MAP3K7CL: variants seen among roughly 807,000 people sequenced by gnomAD.
The protein encoded by MAP3K7CL is MAP3K7 C-terminal like.
Under a neutral mutation model 18.6 loss-of-function variants are expected in MAP3K7CL, and 16 were observed. That is an observed-to-expected ratio of 0.86 (90% CI 0.58 to 1.31). The LOEUF is 1.31. MAP3K7CL is among the 50% of genes most tolerant of loss of function. The probability of loss-of-function intolerance (pLI) is 0.00; values close to 1 mark genes in which losing one functional copy is unlikely to be tolerated. For missense variants in MAP3K7CL, 163 were observed against 174.4 expected, an observed-to-expected ratio of 0.93 and a Z score of 0.37; for synonymous variants, 65 against 66.8, an observed-to-expected ratio of 0.97 and a Z score of 0.13.
At chr21:29,137,795 G>A (rs955922150) in intron 2 of MAP3K7CL, among the ~76,000 whole-genome samples, 7 of 152,154 alleles carry the variant, frequency 4.6e-5, no homozygotes, top group African/African-American at 1.7e-4. Context: ...GGGTTACCAA[G>A]TCAATCTTCA....
At chr21:29,168,878 C>T (rs767903388) in intron 4 of MAP3K7CL, among the ~76,000 whole-genome samples, 9 of 152,186 alleles carry the variant, frequency 5.9e-5, no homozygotes, top group Non-Finnish European at 1.3e-4. Flanking sequence ...AGGAAAGAGG[C>T]TCAAATCCAA....
At position 29,111,105 on chromosome 21, in the gene MAP3K7CL, A is replaced by G. The variant is rs7278938; in HGVS notation, c.370+18524A>G. Among the ~76,000 whole-genome samples, 1,342 of 151,918 alleles carry G rather than the reference A, an allele frequency of 8.8e-3. 18 individuals carry two copies. The highest frequency in any genetic ancestry group is 0.031 in the African/African-American group (1,282 of 41,416). ...CCTCATTTCTACTAAATATACAAAA[A>G]CTTAGCCAGGCGTGGTGGTGAGTGC... On this transcript the variant is annotated intron_variant, in intron 4 of 6. Coordinates refer to the MAP3K7CL transcript ENST00000286791.
chr21:29,085,607 C>T (rs1211622365), upstream of MAP3K7CL, among the ~76,000 whole-genome samples: 1 of 139,080 alleles, frequency 7.2e-6, no homozygotes, highest in Non-Finnish European at 1.5e-5. Context: ...TCAAAGTTTA[C>T]TAATATCTTT....
chr21:29,120,391 T>C (rs529904158), intron 4 of MAP3K7CL, among the ~76,000 whole-genome samples: 69 of 152,228 alleles, frequency 4.5e-4, no homozygotes, highest in Non-Finnish European at 9.1e-4. Context: ...TCTTACACTT[T>C]ATGAGCTCTG....
intron 3 of MAP3K7CL, 61 bp from the exon 4 acceptor site, chr21:29,159,880 A>G (rs561195098): frequency 1.3e-5 from 18 of 1,356,130 alleles, no homozygotes; most frequent in Non-Finnish European, 1.7e-5. Flanking sequence ...AGCGAGCAAA[A>G]TGGTTGGTAA....
chr21:29,094,611 G>C (rs767106752), intron 4 of MAP3K7CL, among the ~76,000 whole-genome samples: 2 of 152,200 alleles, frequency 1.3e-5, no homozygotes, highest in Non-Finnish European at 2.9e-5. Flanking sequence ...TCAACTAGTT[G>C]AGAAGTTTGA....
rs138493272 is a variant in MAP3K7CL, at chr21:29,162,063, G to T, written c.248+2007G>T. Among the ~76,000 whole-genome samples the T allele has an allele frequency of 1.6e-3, 245 of 152,242 alleles. 1 individual carries two copies. Among genetic ancestry groups the T allele is most frequent in the Non-Finnish European group, 2.6e-3 (176 of 68,020 alleles). On this transcript the variant is annotated intron_variant, in intron 4 of 4. Transcript: ENST00000399928. Reference sequence around the variant, plus strand: ...TAAAGTTGCTTGGAATACTCAGATTGCATGATTACACACAGTTGGAGTCCT... The same window carrying T: ...TAAAGTTGCTTGGAATACTCAGATTTCATGATTACACACAGTTGGAGTCCT...
chr21:29,116,435 A>G (rs965951438), intron 4 of MAP3K7CL, among the ~76,000 whole-genome samples: 1 of 152,254 alleles, frequency 6.6e-6, no homozygotes, highest in Non-Finnish European at 1.5e-5. Context: ...TTCTAGCTCT[A>G]ACATTAGTAA....
At chr21:29,155,434 C>T (rs1445283273) in intron 3 of MAP3K7CL, among the ~76,000 whole-genome samples, 1 of 152,162 alleles carries the variant, frequency 6.6e-6, no homozygotes, top group Non-Finnish European at 1.5e-5. Context: ...ACGGAAACGC[C>T]CGAGCCGGCT....
intron 3 of MAP3K7CL, 49 bp from the exon 4 acceptor site, chr21:29,159,892 T>A: frequency 6.8e-7 from 1 of 1,476,922 alleles, no homozygotes; most frequent in Non-Finnish European, 9.4e-7. Flanking sequence ...GGTTGGTAAT[T>A]TATCCTGATG....
intron 2 of MAP3K7CL, among the ~76,000 whole-genome samples, chr21:29,136,675 C>G (rs572707529): frequency 6.6e-6 from 1 of 152,084 alleles, no homozygotes; most frequent in African/African-American, 2.4e-5. Context: ...CACCCGCCAC[C>G]AGGCCTGGCT....
upstream of MAP3K7CL, among the ~76,000 whole-genome samples, chr21:29,127,273 C>T (rs751109857): frequency 3.3e-5 from 5 of 152,130 alleles, no homozygotes; most frequent in African/African-American, 7.2e-5. Flanking sequence ...ACTGTAAAAA[C>T]ACATTTGTTG....
intron 4 of MAP3K7CL, among the ~76,000 whole-genome samples, chr21:29,106,400 T>C (rs2086323796): frequency 6.6e-6 from 1 of 152,156 alleles, no homozygotes; most frequent in Non-Finnish European, 1.5e-5. Context: ...CAGGCTGGTC[T>C]CGAATCCCTG....
intron 3 of MAP3K7CL, among the ~76,000 whole-genome samples, chr21:29,158,766 A>G (rs1435211062): frequency 6.8e-6 from 1 of 146,520 alleles, no homozygotes; most frequent in African/African-American, 2.7e-5. Flanking sequence ...TAGTTTATAT[A>G]TAGAGAGAGA....
intron 4 of MAP3K7CL, among the ~76,000 whole-genome samples, chr21:29,167,693 ATT>A (rs35549023): frequency 0.24 from 26,032 of 107,358 alleles, 3,073 homozygotes; most frequent in African/African-American, 0.41. Context: ...AGAAGGACCA[ATT>A]TTTTTTTTTT....
chr21:29,085,310 T>C (rs1398779512), upstream of MAP3K7CL, among the ~76,000 whole-genome samples: 1 of 152,136 alleles, frequency 6.6e-6, no homozygotes. Context: ...GAAACATAAT[T>C]GAGGCTTTTA....
At chr21:29,145,114 A>C (rs1011496620) in intron 2 of MAP3K7CL, among the ~76,000 whole-genome samples, 4 of 152,210 alleles carry the variant, frequency 2.6e-5, no homozygotes, top group Non-Finnish European at 5.9e-5. Context: ...TTTGAAGAAG[A>C]AGCCTTCAAA....
intron 4 of MAP3K7CL, among the ~76,000 whole-genome samples, chr21:29,168,788 C>T (rs1327344763): frequency 6.6e-6 from 1 of 152,142 alleles, no homozygotes; most frequent in African/African-American, 2.4e-5. Flanking sequence ...AAATTGCAAC[C>T]TCAGGCATTA....
At chr21:29,085,865 T>C in exon 1 of MAP3K7CL, 1 of 1,614,156 alleles carries the variant, frequency 6.2e-7, no homozygotes, top group East Asian at 2.2e-5. Flanking sequence ...GACTAGATGG[T>C]TCAGCTGATT....
Sources: gnomAD v4.1 joint callset for allele counts (sites outside exome capture counted in the v4.1 genomes callset) on GRCh38, gnomAD v4.1.1 for gene constraint, MANE v1.5 for transcripts, NCBI Gene and HGNC (gene_info 2026-07-23, HGNC 2026-07-21) for gene names.